TPD52: variants seen among roughly 807,000 people sequenced by gnomAD.
TPD52 encodes tumor protein D52.
TPD52 carries 17 observed loss-of-function variants against 31.3 expected under a neutral mutation model. That is an observed-to-expected ratio of 0.54 (90% CI 0.37 to 0.82). The LOEUF (loss-of-function observed/expected upper bound fraction) is 0.82, where lower values mean the gene tolerates loss of function less well. Ranked by LOEUF, TPD52 falls within the 40% of genes least tolerant of loss-of-function variation. TPD52 has a pLI of 0.00. For missense variants in TPD52, 212 were observed against 240.1 expected (o/e 0.88, Z 0.77); for synonymous variants, 83 against 89.6 (o/e 0.93, Z 0.42).
chr8:80,078,616 AC>A (rs1814866253), intron 1 of TPD52, among the ~76,000 whole-genome samples: 1 of 152,178 alleles, frequency 6.6e-6, no homozygotes, highest in African/African-American at 2.4e-5. Context: ...CTGTGTTCTT[AC>A]AGATGACTGC....
At chr8:80,171,037 G>T in intron 1 of TPD52, 2 of 487,074 alleles carry the variant, frequency 4.1e-6, no homozygotes, top group East Asian at 4.1e-5. Context: ...GGACGAGAGC[G>T]ACTCACTGTC....
Position 80,035,624 on chromosome 8 carries a change from T to C in TPD52, c.*2492A>G, listed in dbSNP as rs932607776. The stretch of plus-strand genomic sequence containing the variant: ...TTTTTCTATTTCAAACTATTCTAAG[T>C]TGCTAAGGTGATAATCCAGTTTTGA... On this transcript the variant is annotated 3_prime_UTR_variant, in exon 8 of 8. Transcript: ENST00000518937. 6.6e-6 allele frequency: 1 copy of C among 152,264 alleles called. No individual in the cohort carries two copies. The highest frequency in any genetic ancestry group is 6.5e-5 in the Admixed American group (1 of 15,288). The allele number at this position is 152,264 out of a possible 1,614,324, so 9.4% of individuals were successfully genotyped here.
intron 1 of TPD52, among the ~76,000 whole-genome samples, chr8:80,150,637 C>T (rs1183743926): frequency 1.3e-5 from 2 of 152,184 alleles, no homozygotes; most frequent in Non-Finnish European, 2.9e-5. Context: ...GGATGTGAGA[C>T]ATGGAGATCA....
In TPD52 at chr8:80,171,535, C is replaced by T. The variant is rs922874831; in HGVS notation, c.-92G>A. On this transcript the variant is annotated 5_prime_UTR_variant, in exon 1 of 8. Coordinates refer to ENST00000518937, the MANE Select transcript of TPD52 (RefSeq NM_001025253.3). ...CCCGCCGCGCCGCGCAGAGCTCCTC[C>T]TCGCCTCCGCCGGCGACTCCCGCGA... The T allele has an allele frequency of 4.2e-6, 6 of 1,411,794 alleles. No individual in the cohort carries two copies. The highest frequency in any genetic ancestry group is 4.6e-6 in the Non-Finnish European group (5 of 1,090,418). 87.5% of individuals were successfully genotyped at this position (1,411,794 alleles called of 1,614,324 possible). A position where few individuals can be genotyped will look rare whatever the true frequency, so the allele number is the denominator to read the frequency against.
chr8:80,118,853 G>T lies in TPD52; in HGVS notation c.19+52572C>A, dbSNP rs574485346. ...CACAGTACAGTCACTTCAGAAAACC[G>T]TCTAGCATTTCCTCAAAAGGTTAAA... On this transcript the variant is annotated intron_variant, in intron 1 of 7. Coordinates refer to ENST00000518937, the MANE Select transcript of TPD52 (RefSeq NM_001025253.3). Among the ~76,000 whole-genome samples the T allele has an allele frequency of 1.3e-4, 20 of 152,218 alleles. No individual in the cohort carries two copies. The South Asian group carries it at 3.9e-3, about 30-fold the overall frequency.
intron 1 of TPD52, among the ~76,000 whole-genome samples, chr8:80,073,008 G>A (rs1343561141): frequency 6.6e-6 from 1 of 151,954 alleles, no homozygotes; most frequent in African/African-American, 2.4e-5. Flanking sequence ...GGAGGCTGAG[G>A]CACAAGAATC....
chr8:80,100,445 A>G (rs555856253), intron 1 of TPD52, among the ~76,000 whole-genome samples: 1 of 152,290 alleles, frequency 6.6e-6, no homozygotes, highest in Non-Finnish European at 1.5e-5. Flanking sequence ...CTCTCTAAAA[A>G]CCAATTGTTT....
chr8:80,170,971 T>C (rs961981288), intron 1 of TPD52: 10 of 365,332 alleles, frequency 2.7e-5, no homozygotes, highest in African/African-American at 1.1e-4. Flanking sequence ...CACCTGAACT[T>C]AGAAGAAGGC....
intron 1 of TPD52, among the ~76,000 whole-genome samples, chr8:80,170,741 T>C (rs1050609133): frequency 2.6e-5 from 4 of 152,354 alleles, no homozygotes; most frequent in East Asian, 1.9e-4. Context: ...ACTATTGCTC[T>C]ATTTGGGGGT....
At chr8:80,062,181 A>C (rs1230959735) in intron 2 of TPD52, among the ~76,000 whole-genome samples, 3 of 152,226 alleles carry the variant, frequency 2.0e-5, no homozygotes, top group Admixed American at 2.0e-4. Flanking sequence ...AAGCTATAGT[A>C]ATCAAAATAG....
intron 3 of TPD52, 21 bp downstream of exon 3, chr8:80,053,261 T>C: frequency 6.2e-7 from 1 of 1,611,960 alleles, no homozygotes. Flanking sequence ...CCAAGGAAAG[T>C]GTATGATCAA....
rs1364598212 is a variant in TPD52 at position 80,144,994 on chromosome 8, T to A, written c.19+26431A>T. ...TATAATGAGTTACTCTGTGGGTTAT[T>A]TTTTAATTCATTTCTACACACCACA... On this transcript the variant is annotated intron_variant, in intron 1 of 7. Coordinates refer to ENST00000518937, the MANE Select transcript of TPD52 (RefSeq NM_001025253.3). Among the ~76,000 whole-genome samples, 4 of 152,202 alleles carry A rather than the reference T, an allele frequency of 2.6e-5. No individual in the cohort carries two copies. In the South Asian group the frequency reaches 6.2e-4, roughly 24 times the overall value.
downstream of TPD52, among the ~76,000 whole-genome samples, chr8:80,031,461 G>T (rs1369011339): frequency 5.3e-5 from 8 of 152,168 alleles, no homozygotes; most frequent in Non-Finnish European, 1.0e-4. Context: ...GACTATTAAT[G>T]GACTCTTGCC....
chr8:80,074,993 T>A (rs1426547384), intron 1 of TPD52, among the ~76,000 whole-genome samples: 2 of 152,100 alleles, frequency 1.3e-5, no homozygotes, highest in African/African-American at 4.8e-5. Flanking sequence ...TTTTTTTTTA[T>A]TTTTTGAGAT....
At position 80,082,291 on chromosome 8, in the gene TPD52, CA is replaced by C. The variant is rs1385076246; in HGVS notation, c.20-17699del. On this transcript the variant is annotated intron_variant, in intron 1 of 7. Transcript: ENST00000518937. The stretch of plus-strand genomic sequence containing the variant: ...ATGGATTGTCTGGCTTCTTGAAATC[CA>C]TGGCCTCTTACTGGGACAGGAAAGG... Among the ~76,000 whole-genome samples the C allele has an allele frequency of 3.3e-5, 5 of 151,982 alleles. No homozygotes were observed. The East Asian group carries it at 9.6e-4, about 29-fold the overall frequency.
At chr8:80,142,613 A>AAGG in intron 1 of TPD52, among the ~76,000 whole-genome samples, 1 of 120,070 alleles carries the variant, frequency 8.3e-6, no homozygotes, top group Non-Finnish European at 1.8e-5. Context: ...GAGGCACAAG[A>AAGG]ATTGCTTGAA....
chr8:80,161,884 C>G (rs539998271), intron 1 of TPD52, among the ~76,000 whole-genome samples: 1 of 151,956 alleles, frequency 6.6e-6, no homozygotes, highest in African/African-American at 2.4e-5. Context: ...CATGCACCAC[C>G]ACGCCGGGCT....
chr8:80,153,568 C>T lies in TPD52; in HGVS notation c.19+17857G>A, dbSNP rs112160558. On this transcript the variant is annotated intron_variant, in intron 1 of 7. Coordinates refer to ENST00000518937, the MANE Select transcript of TPD52 (RefSeq NM_001025253.3). The stretch of plus-strand genomic sequence containing the variant: ...CATAACATTCTACTAGAGGTTAAGT[C>T]AATAATTCAAAGTTAAAACCTCCAA... 9.9e-3 allele frequency among the ~76,000 whole-genome samples: 1,511 copies of T among 152,260 alleles called. 24 individuals carry two copies. The highest frequency in any genetic ancestry group is 0.034 in the African/African-American group (1,396 of 41,542).
intron 1 of TPD52, among the ~76,000 whole-genome samples, chr8:80,094,917 G>A (rs1257601744): frequency 6.6e-6 from 1 of 152,118 alleles, no homozygotes; most frequent in Non-Finnish European, 1.5e-5. Flanking sequence ...AGCCCTGGGA[G>A]AGGCAGGCCT....
Sources: gnomAD v4.1 joint callset for allele counts (sites outside exome capture counted in the v4.1 genomes callset) on GRCh38, gnomAD v4.1.1 for gene constraint, MANE v1.5 for transcripts, NCBI Gene and HGNC (gene_info 2026-07-23, HGNC 2026-07-21) for gene names.